Variants in GSE1 observed in about 807,000 individuals in gnomAD.
The protein encoded by GSE1 is Gse1 coiled-coil protein, also known as genetic suppressor element 1.
In GSE1, 32 loss-of-function variants were observed where a neutral mutation model predicts 112.6. That is an observed-to-expected ratio of 0.28 (90% CI 0.21 to 0.38). GSE1 has a LOEUF of 0.38. GSE1 is among the 10% of genes least tolerant of loss of function. The pLI is 1.00. For missense variants in GSE1, 2,348 were observed against 1,699.2 expected, an observed-to-expected ratio of 1.38 and a Z score of -6.71; for synonymous variants, 1,115 against 735.6, an observed-to-expected ratio of 1.52 and a Z score of -8.35.
At chr16:85,671,225 G>C (rs952990847) in intron 15 of GSE1, 127 bp downstream of exon 15, 12 of 549,774 alleles carry the variant, frequency 2.2e-5, no homozygotes, top group Non-Finnish European at 3.6e-5. Context: ...CGGATCACGA[G>C]GTCAGGAGAT....
At chr16:85,431,076 G>GT (rs1318614972) in intron 2 of GSE1, among the ~76,000 whole-genome samples, 1 of 151,080 alleles carries the variant, frequency 6.6e-6, no homozygotes, top group Non-Finnish European at 1.5e-5. Context: ...CACTGCCTCG[G>GT]GGGGCGGATT....
intron 1 of GSE1, among the ~76,000 whole-genome samples, chr16:85,258,543 C>T (rs1456328166): frequency 2.0e-5 from 3 of 152,242 alleles, no homozygotes; most frequent in Non-Finnish European, 4.4e-5. Flanking sequence ...CCACCCCTTC[C>T]CGCCTGCCCT....
intron 2 of GSE1, among the ~76,000 whole-genome samples, chr16:85,521,753 A>C (rs2052193320): frequency 6.6e-6 from 1 of 152,200 alleles, no homozygotes. Flanking sequence ...CTGGTTGTGC[A>C]CTGGAGCCGC....
intron 1 of GSE1, among the ~76,000 whole-genome samples, chr16:85,211,839 T>C (rs1281904373): frequency 6.6e-6 from 1 of 152,240 alleles, no homozygotes; most frequent in Non-Finnish European, 1.5e-5. Context: ...GGATGCTGCC[T>C]CTTGGGGCAG....
chr16:85,667,289 C>G (rs530150719), intron 13 of GSE1, among the ~76,000 whole-genome samples: 10 of 148,376 alleles, frequency 6.7e-5, no homozygotes, highest in Non-Finnish European at 1.3e-4. Context: ...ATTTTAGTCA[C>G]TCTGCCATAC....
chr16:85,175,924 G>A (rs1022903218), intron 1 of GSE1, among the ~76,000 whole-genome samples: 1 of 152,190 alleles, frequency 6.6e-6, no homozygotes, highest in East Asian at 1.9e-4. Context: ...CAGGACCAGC[G>A]TCGGGCCTGA....
At chr16:85,653,922 G>A (rs1337460874) in intron 3 of GSE1, among the ~76,000 whole-genome samples, 1 of 152,086 alleles carries the variant, frequency 6.6e-6, no homozygotes, top group Admixed American at 6.5e-5. Flanking sequence ...TGTGACCTTC[G>A]GATGTCCACA....
chr16:85,299,935 CAA>C (rs35622442), intron 1 of GSE1, among the ~76,000 whole-genome samples: 14 of 84,168 alleles, frequency 1.7e-4, no homozygotes, highest in Admixed American at 2.8e-4. Flanking sequence ...GACCCTGTCT[CAA>C]AAAAAAAAAA....
intron 1 of GSE1, among the ~76,000 whole-genome samples, chr16:85,195,268 G>A (rs1053577029): frequency 6.6e-6 from 1 of 152,174 alleles, no homozygotes; most frequent in Non-Finnish European, 1.5e-5. Context: ...GGGGGTGAAC[G>A]ACGCTGTAAC....
chr16:85,650,193 A>C (rs1283245310), intron 3 of GSE1, among the ~76,000 whole-genome samples: 3 of 152,170 alleles, frequency 2.0e-5, no homozygotes, highest in Non-Finnish European at 2.9e-5. Context: ...CACACCCCAC[A>C]GGGCTTGGAG....
At chr16:85,644,196 G>A (rs543469475) in intron 2 of GSE1, among the ~76,000 whole-genome samples, 8 of 152,184 alleles carry the variant, frequency 5.3e-5, no homozygotes, top group African/African-American at 1.4e-4. Context: ...AAAACTAGCC[G>A]GGCCTGGTGG....
chr16:85,633,028 CGCT>C (rs980060255), intron 1 of GSE1, among the ~76,000 whole-genome samples: 36 of 152,154 alleles, frequency 2.4e-4, no homozygotes, highest in African/African-American at 6.0e-4. Flanking sequence ...CCGCCGCCGC[CGCT>C]GTCACCACTG....
At chr16:85,348,584 G>A (rs61533474) in intron 1 of GSE1, among the ~76,000 whole-genome samples, 15,339 of 152,022 alleles carry the variant, frequency 0.1, 2,470 homozygotes, top group African/African-American at 0.34. Context: ...CCAGACATCC[G>A]GGGCAAGGTG....
intron 2 of GSE1, among the ~76,000 whole-genome samples, chr16:85,518,348 G>A (rs1434920947): frequency 6.6e-6 from 1 of 152,178 alleles, no homozygotes; most frequent in East Asian, 1.9e-4. Context: ...TGGAGCCACA[G>A]GACGGTGCCC....
chr16:85,362,831 CTTTTTTTT>C (rs67922655), intron 2 of GSE1, among the ~76,000 whole-genome samples: 1 of 103,480 alleles, frequency 9.7e-6, no homozygotes, highest in Non-Finnish European at 1.9e-5. Context: ...TTATTGATAT[CTTTTTTTT>C]TTTTTTTTTT....
intron 1 of GSE1, among the ~76,000 whole-genome samples, chr16:85,281,857 C>G (rs1314292833): frequency 2.0e-5 from 3 of 152,090 alleles, no homozygotes; most frequent in Non-Finnish European, 2.9e-5. Context: ...GGAATAGATT[C>G]ACGTTATCTG....
chr16:85,197,039 G>C (rs909061711), intron 1 of GSE1, among the ~76,000 whole-genome samples: 1 of 152,118 alleles, frequency 6.6e-6, no homozygotes, highest in African/African-American at 2.4e-5. Context: ...TAACTTCTGC[G>C]TTTCCTGTGG....
chr16:85,639,302 C>T (rs545684875), intron 2 of GSE1, among the ~76,000 whole-genome samples: 5 of 152,312 alleles, frequency 3.3e-5, no homozygotes, highest in Admixed American at 2.6e-4. Flanking sequence ...CCTGTCCCCT[C>T]CTCGGAATGG....
At chr16:85,348,515 C>G (rs2046789404) in intron 1 of GSE1, among the ~76,000 whole-genome samples, 2 of 152,198 alleles carry the variant, frequency 1.3e-5, no homozygotes, top group Admixed American at 1.3e-4. Flanking sequence ...CATCTGGCCC[C>G]TTTGTCCACT....
Sources: gnomAD v4.1 joint callset for allele counts (sites outside exome capture counted in the v4.1 genomes callset) on GRCh38, gnomAD v4.1.1 for gene constraint, MANE v1.5 for transcripts, NCBI Gene and HGNC (gene_info 2026-07-23, HGNC 2026-07-21) for gene names.